Variants in ABCC1 observed in about 807,000 individuals in gnomAD.
ABCC1 encodes the protein multidrug resistance-associated protein 1.
Under a neutral mutation model 172.9 loss-of-function variants are expected in ABCC1, and 83 were observed. The ratio of observed to expected loss-of-function variants is 0.48; its 90% CI spans 0.40 to 0.58. ABCC1 has a LOEUF of 0.58. ABCC1 is among the 20% of genes least tolerant of loss of function. The pLI is 0.00. For missense variants in ABCC1, 1,817 were observed against 2,002.7 expected (o/e 0.91, Z 1.77); for synonymous variants, 937 against 825.2 (o/e 1.14, Z -2.32).
chr16:16,090,626 C>G, intron 19 of ABCC1, 38 bp downstream of exon 19: 1 of 1,520,996 alleles, frequency 6.6e-7, no homozygotes, highest in Non-Finnish European at 8.8e-7. Context: ...CTCAGGGTGT[C>G]TGGCACCTTG....
chr16:16,139,226 C>G (rs930643901), intron 30 of ABCC1, among the ~76,000 whole-genome samples: 3 of 152,146 alleles, frequency 2.0e-5, no homozygotes, highest in African/African-American at 7.2e-5. Context: ...GCCAAGGAGA[C>G]GGGATAGCGA....
At chr16:16,061,396 G>T (rs1304745058) in intron 12 of ABCC1, among the ~76,000 whole-genome samples, 1 of 152,264 alleles carries the variant, frequency 6.6e-6, no homozygotes, top group Non-Finnish European at 1.5e-5. Flanking sequence ...ACTGCACATT[G>T]CAGGATGTTT....
intron 28 of ABCC1, 32 bp from the exon 29 acceptor site, chr16:16,136,440 AGGTGTC>A (rs764785341): frequency 6.2e-7 from 1 of 1,606,908 alleles, no homozygotes; most frequent in African/African-American, 1.3e-5. Flanking sequence ...AGCGTGACAC[AGGTGTC>A]ACATGCCGTC....
chr16:16,022,069 C>G (rs1278670360), intron 5 of ABCC1, among the ~76,000 whole-genome samples: 1 of 152,218 alleles, frequency 6.6e-6, no homozygotes, highest in Non-Finnish European at 1.5e-5. Context: ...GCTGCTCTCC[C>G]ATCCTCAGAG....
At chr16:16,010,654 T>C (rs1447680047) in intron 3 of ABCC1, among the ~76,000 whole-genome samples, 2 of 152,226 alleles carry the variant, frequency 1.3e-5, no homozygotes, top group African/African-American at 2.4e-5. Flanking sequence ...CTGGTGTGTA[T>C]TGAGCACTTA....
chr16:16,138,531 G>A lies in ABCC1; in HGVS notation c.4460G>A (p.Arg1487Gln), dbSNP rs1479105930. The A allele has an allele frequency of 1.1e-5, 17 of 1,525,732 alleles. No individual in the cohort carries two copies. The highest frequency in any genetic ancestry group is 1.3e-5 in the Non-Finnish European group (15 of 1,128,698). 94.5% of individuals were successfully genotyped at this position (1,525,732 alleles called of 1,614,324 possible). A position where few individuals can be genotyped will look rare whatever the true frequency, so the allele number is the denominator to read the frequency against. The change falls in exon 30 of 31, where the codon CGG (arginine) becomes CAG (glutamine). Residue 1487 changes from arginine (R) to glutamine (Q), a missense_variant. By Grantham distance (43) the Arg-to-Gln change is conservative. Around this residue, in one of 3 missense-constraint regions of ABCC1, gnomAD observed 1,412 missense variants for 1,600.3 expected, o/e 0.88. Transcript: ENST00000399410. ...TGCACCGTCCTCACCATCGCCCACC[G>A]GCTCAACACCATCATGGACTACACA... ...EDCTVLTIAH[R>Q]LNTIMDYTRV...
intron 23 of ABCC1, among the ~76,000 whole-genome samples, chr16:16,118,432 T>C (rs962369112): frequency 5.5e-5 from 8 of 145,962 alleles, no homozygotes; most frequent in African/African-American, 1.7e-4. Flanking sequence ...AGCTTTTTTT[T>C]TTTTTTTTTT....
At chr16:15,988,846 C>T (rs1178649419) in intron 1 of ABCC1, among the ~76,000 whole-genome samples, 1 of 151,932 alleles carries the variant, frequency 6.6e-6, no homozygotes, top group Non-Finnish European at 1.5e-5. Flanking sequence ...GTGGGAGGAT[C>T]ATTTGAGCCC....
intron 1 of ABCC1, among the ~76,000 whole-genome samples, chr16:15,967,140 C>G (rs1437785690): frequency 6.6e-6 from 1 of 152,136 alleles, no homozygotes; most frequent in African/African-American, 2.4e-5. Flanking sequence ...AGGCTCACCT[C>G]TGAGTCACAC....
intron 1 of ABCC1, among the ~76,000 whole-genome samples, chr16:15,979,244 T>G (rs2046562591): frequency 6.6e-6 from 1 of 151,952 alleles, no homozygotes; most frequent in African/African-American, 2.4e-5. Flanking sequence ...TGAGCTGAGA[T>G]TGCACTACTG....
chr16:16,089,880 C>CA (rs5815856), intron 18 of ABCC1, among the ~76,000 whole-genome samples: 8,978 of 104,206 alleles, frequency 0.086, 605 homozygotes, highest in African/African-American at 0.21. Flanking sequence ...AACTCTGTCT[C>CA]AAAAAAAAAA....
At chr16:16,047,021 C>A (rs943816101) in intron 9 of ABCC1, among the ~76,000 whole-genome samples, 6 of 152,056 alleles carry the variant, frequency 3.9e-5, no homozygotes, top group African/African-American at 1.2e-4. Context: ...TATAGCAAGA[C>A]CCTGGCTCTG....
intron 16 of ABCC1, among the ~76,000 whole-genome samples, chr16:16,083,074 A>G (rs2050868427): frequency 1.3e-5 from 2 of 152,208 alleles, no homozygotes; most frequent in African/African-American, 4.8e-5. Flanking sequence ...TCACCGCTGT[A>G]GGCATTGAGT....
intron 14 of ABCC1, among the ~76,000 whole-genome samples, chr16:16,075,127 T>C (rs771159357): frequency 1.7e-4 from 26 of 151,852 alleles, no homozygotes; most frequent in Non-Finnish European, 2.1e-4. Context: ...GTATTTTTAG[T>C]AGAGATGGGG....
At chr16:15,967,516 G>A (rs1450659492) in intron 1 of ABCC1, among the ~76,000 whole-genome samples, 2 of 151,642 alleles carry the variant, frequency 1.3e-5, no homozygotes, top group Non-Finnish European at 2.9e-5. Context: ...GCTGAAGTGG[G>A]AGGATCACTT....
Position 16,052,794 on chromosome 16 carries a change from C to A in ABCC1, c.1451C>A (p.Ala484Glu). 1 of 1,614,008 alleles carries A rather than the reference C, an allele frequency of 6.2e-7. No homozygotes were observed. Reference protein sequence around the residue: ...VLMVPVNAVMAMKTKTYQVAH... With the variant: ...VLMVPVNAVMEMKTKTYQVAH... ...ATGGTGCCCGTCAATGCTGTGATGG[C>A]GATGAAGACCAAGACGTATCAGGTA... Residue 484 changes from alanine to glutamate, a missense_variant, in exon 11 of 31, where the codon GCG (alanine) becomes GAG (glutamate). Transcript: ENST00000399410.
In ABCC1 at chr16:16,102,746, A is replaced by C. The variant is rs746044906; in HGVS notation, c.2735+29A>C. On this transcript the variant is annotated intron_variant, in intron 20 of 30. Coordinates refer to ENST00000399410, the MANE Select transcript of ABCC1 (RefSeq NM_004996.4). Reference sequence around the variant, plus strand: ...AGGGCGGGGAGGAAGGCCCCAACCTAAGGACCCTGCCCTGCCAGTGGGAGG... The same window carrying C: ...AGGGCGGGGAGGAAGGCCCCAACCTCAGGACCCTGCCCTGCCAGTGGGAGG... 18 of 1,550,462 alleles carry C rather than the reference A, an allele frequency of 1.2e-5. No individual in the cohort carries two copies. The African/African-American group carries it at 2.2e-4, about 19-fold the overall frequency.
At chr16:16,059,505 T>A (rs996209197) in intron 12 of ABCC1, among the ~76,000 whole-genome samples, 13 of 152,110 alleles carry the variant, frequency 8.5e-5, no homozygotes, top group African/African-American at 2.7e-4. Context: ...TTTTTAACTT[T>A]TAAAAAATAT....
rs1320260034 is a variant in ABCC1, at chr16:16,083,362, T to G, written c.2116-4T>G. ...TCTCACCTCGTTCTCCATTTGCAACTTAGGGCTCCGTGGCCTATGTGCCAC... is the reference window on the plus strand; with the variant it reads ...TCTCACCTCGTTCTCCATTTGCAACGTAGGGCTCCGTGGCCTATGTGCCAC... On this transcript the variant is annotated splice_region_variant and splice_polypyrimidine_tract_variant and intron_variant, in intron 16 of 30. Coordinates refer to ENST00000399410, the MANE Select transcript of ABCC1 (RefSeq NM_004996.4). The G allele has an allele frequency of 1.2e-6, 2 of 1,612,842 alleles. No homozygotes were observed. The highest frequency in any genetic ancestry group is 1.7e-5 in the Admixed American group (1 of 60,018).
Sources: gnomAD v4.1 joint callset for allele counts (sites outside exome capture counted in the v4.1 genomes callset) on GRCh38, gnomAD v4.1.1 for gene constraint, gnomAD v4.1.1 regional missense constraint, MANE v1.5 for transcripts, NCBI Gene and HGNC (gene_info 2026-07-23, HGNC 2026-07-21) for gene names.